Variants in SPON1 observed in about 807,000 individuals in gnomAD.
SPON1 encodes spondin-1.
A neutral mutation model predicts 111.7 loss-of-function variants in SPON1; 52 were observed. That is an observed-to-expected ratio of 0.47 (90% CI 0.37 to 0.59). The LOEUF is 0.59. Among genes scored for constraint, SPON1 ranks in the 20% least tolerant of loss-of-function variants. The probability of loss-of-function intolerance (pLI) is 0.00; values close to 1 mark genes in which losing one functional copy is unlikely to be tolerated. For synonymous variants in SPON1, 410 were observed against 395.8 expected, an observed-to-expected ratio of 1.04 and a Z score of -0.43; for missense variants, 957 against 1,068.5, an observed-to-expected ratio of 0.90 and a Z score of 1.46.
chr11:14,263,389 A>AGTCTT (rs1393838199), intron 15 of SPON1, among the ~76,000 whole-genome samples: 1 of 152,156 alleles, frequency 6.6e-6, no homozygotes, highest in African/African-American at 2.4e-5. Context: ...GTGTCAAAGG[A>AGTCTT]GTCTTGTCTT....
chr11:14,240,974 G>T (rs1158097769), intron 6 of SPON1, among the ~76,000 whole-genome samples: 1 of 152,132 alleles, frequency 6.6e-6, no homozygotes, highest in Non-Finnish European at 1.5e-5. Context: ...CTGATGGAAA[G>T]TTTCCCGTGA....
chr11:14,153,480 A>G (rs1554930099), intron 6 of SPON1, among the ~76,000 whole-genome samples: 2 of 151,972 alleles, frequency 1.3e-5, no homozygotes, highest in South Asian at 2.1e-4. Flanking sequence ...AAACAACCAA[A>G]TCTCTGAGCA....
intron 6 of SPON1, among the ~76,000 whole-genome samples, chr11:14,168,780 C>G (rs1214710356): frequency 6.6e-6 from 1 of 151,636 alleles, no homozygotes; most frequent in Non-Finnish European, 1.5e-5. Context: ...CAATAGTTTG[C>G]TGAGAATGAT....
chr11:14,031,854 T>A (rs1027900068), intron 2 of SPON1, among the ~76,000 whole-genome samples: 5 of 152,224 alleles, frequency 3.3e-5, no homozygotes, highest in African/African-American at 1.2e-4. Flanking sequence ...TAAGAGGTGA[T>A]TCAATGACTG....
At chr11:14,222,137 T>G (rs1165504465) in intron 6 of SPON1, among the ~76,000 whole-genome samples, 1 of 152,228 alleles carries the variant, frequency 6.6e-6, no homozygotes, top group Admixed American at 6.5e-5. Context: ...GACAAAGCTT[T>G]GTGTAAGTAC....
chr11:14,160,835 T>TTATATATTTATATATTTA lies in SPON1; in HGVS notation c.825+25285_825+25302dup, dbSNP rs1847928207. 5.8e-5 allele frequency among the ~76,000 whole-genome samples: 3 copies of TTATATATTTATATATTTA among 51,982 alleles called. 1 individual carries two copies. The highest frequency in any genetic ancestry group is 2.3e-4 in the African/African-American group (3 of 13,226). 34.1% of individuals were successfully genotyped at this position (51,982 alleles called of 152,430 possible). ...ATTTTTATATATATTTTATATATAT[T>TTATATATTTATATATTTA]TATATATTTATATATTTATATATAT... On this transcript the variant is annotated intron_variant, in intron 6 of 15. Coordinates refer to ENST00000576479, the MANE Select transcript of SPON1 (RefSeq NM_006108.4).
At chr11:14,262,397 T>G in intron 14 of SPON1, 1 of 379,560 alleles carries the variant, frequency 2.6e-6, no homozygotes, top group Non-Finnish European at 4.9e-6. Flanking sequence ...TTGAGGCTGA[T>G]CTGACAATAT....
chr11:14,014,398 A>C (rs781813574), intron 2 of SPON1, among the ~76,000 whole-genome samples: 3 of 152,212 alleles, frequency 2.0e-5, no homozygotes, highest in Non-Finnish European at 2.9e-5. Context: ...TATGTACATG[A>C]AATGTAGGAT....
intron 6 of SPON1, among the ~76,000 whole-genome samples, chr11:14,239,082 G>A (rs1259388195): frequency 6.6e-6 from 1 of 152,160 alleles, no homozygotes; most frequent in Non-Finnish European, 1.5e-5. Context: ...CAGGGCCCTA[G>A]TGCCCCCATC....
At position 14,235,801 on chromosome 11, in the gene SPON1, C is replaced by T. The variant is rs567779151; in HGVS notation, c.826-7531C>T. On this transcript the variant is annotated intron_variant, in intron 6 of 15. Transcript: ENST00000576479. ...TAGGGATGCTGAGTCAAAAAGGGGG[C>T]AGGGACCTGCCATGGACATCAAAGT... 2.0e-5 allele frequency among the ~76,000 whole-genome samples: 3 copies of T among 151,402 alleles called. No homozygotes were observed. In the South Asian group the frequency reaches 6.3e-4, roughly 32 times the overall value.
intron 6 of SPON1, among the ~76,000 whole-genome samples, chr11:14,209,586 T>C (rs1440125900): frequency 2.0e-5 from 3 of 152,214 alleles, no homozygotes; most frequent in Admixed American, 1.3e-4. Context: ...GCAAAGGACA[T>C]GAACTCATCC....
intron 4 of SPON1, among the ~76,000 whole-genome samples, chr11:14,076,415 G>A (rs2133830423): frequency 6.6e-6 from 1 of 152,180 alleles, no homozygotes; most frequent in Non-Finnish European, 1.5e-5. Flanking sequence ...AATAATAATA[G>A]GTAATATGTT....
At position 14,260,616 on chromosome 11, in the gene SPON1, G is replaced by T; in HGVS notation, c.1860G>T (p.Trp620Cys). The part of the protein sequence containing the change: ...CHTIPCLLSP[W>C]SEWSDCSVTC... The stretch of plus-strand genomic sequence containing the variant: ...CCATCCCATGCTTGCTGTCCCCATG[G>T]TCCGAGTGGAGTGACTGCAGCGTGA... The change falls in exon 14 of 16, where the codon TGG becomes TGT. Residue 620 changes from tryptophan (W) to cysteine (C), a missense_variant. Coordinates refer to ENST00000576479, the MANE Select transcript of SPON1 (RefSeq NM_006108.4). 1 of 1,613,942 alleles carries T rather than the reference G, an allele frequency of 6.2e-7. No individual in the cohort carries two copies. Among genetic ancestry groups the T allele is most frequent in the Non-Finnish European group, 8.5e-7 (1 of 1,179,854 alleles).
Position 14,254,515 on chromosome 11 carries a change from A to G in SPON1, c.891-13A>G. 1 of 1,582,604 alleles carries G rather than the reference A, an allele frequency of 6.3e-7. No homozygotes were observed. Among genetic ancestry groups the G allele is most frequent in the Non-Finnish European group, 8.6e-7 (1 of 1,164,748 alleles). ...AGAACTCTAATATAATGGTCTCTGT[A>G]TTTCGTTTCCAGGAGAGCAGCACCT... On this transcript the variant is annotated splice_polypyrimidine_tract_variant and intron_variant, in intron 7 of 15. Coordinates refer to ENST00000576479, the MANE Select transcript of SPON1 (RefSeq NM_006108.4).
intron 2 of SPON1, among the ~76,000 whole-genome samples, chr11:14,029,118 G>A (rs1848540026): frequency 8.4e-6 from 1 of 119,382 alleles, no homozygotes; most frequent in Admixed American, 7.9e-5. Context: ...TTCAGGCAGT[G>A]ACCCCTACAC....
intron 2 of SPON1, among the ~76,000 whole-genome samples, chr11:14,001,719 A>C (rs1554912469): frequency 6.6e-6 from 1 of 152,240 alleles, no homozygotes; most frequent in Non-Finnish European, 1.5e-5. Context: ...CTTAAGAAGG[A>C]GTTTCTAGGG....
intron 5 of SPON1, among the ~76,000 whole-genome samples, chr11:14,087,492 G>A (rs781878004): frequency 6.6e-6 from 1 of 152,212 alleles, no homozygotes; most frequent in Non-Finnish European, 1.5e-5. Context: ...TAGTTTGATT[G>A]CACTGTGGTC....
At chr11:13,973,012 T>C (rs1848075541) in intron 1 of SPON1, among the ~76,000 whole-genome samples, 1 of 152,200 alleles carries the variant, frequency 6.6e-6, no homozygotes, top group South Asian at 2.1e-4. Flanking sequence ...ACCTTCTCTG[T>C]CTTGCTCCTT....
chr11:14,160,066 G>A (rs1320884683), intron 6 of SPON1, among the ~76,000 whole-genome samples: 1 of 151,834 alleles, frequency 6.6e-6, no homozygotes, highest in East Asian at 1.9e-4. Context: ...GTAACTCAAA[G>A]GATAAATGCT....
Sources: gnomAD v4.1 joint callset for allele counts (sites outside exome capture counted in the v4.1 genomes callset) on GRCh38, gnomAD v4.1.1 for gene constraint, MANE v1.5 for transcripts, NCBI Gene and HGNC (gene_info 2026-07-23, HGNC 2026-07-21) for gene names.